SIPA1L2: variants seen among roughly 807,000 people sequenced by gnomAD.
SIPA1L2 encodes the protein signal induced proliferation associated 1 like 2.
Under a neutral mutation model 163.9 loss-of-function variants are expected in SIPA1L2, and 56 were observed. The ratio of observed to expected loss-of-function variants is 0.34; its 90% CI spans 0.28 to 0.43. SIPA1L2 has a LOEUF of 0.43. Among genes scored for constraint, SIPA1L2 ranks in the 20% least tolerant of loss-of-function variants. The pLI is 1.00. For missense variants in SIPA1L2, 1,974 were observed against 2,193.5 expected, an observed-to-expected ratio of 0.90 and a Z score of 2.00; for synonymous variants, 877 against 865.7, an observed-to-expected ratio of 1.01 and a Z score of -0.23.
intron 8 of SIPA1L2, among the ~76,000 whole-genome samples, chr1:232,467,430 T>C (rs1486490065): frequency 1.3e-5 from 2 of 152,124 alleles, no homozygotes; most frequent in Non-Finnish European, 2.9e-5. Context: ...CTCACCACCA[T>C]CCTCAGGATG....
chr1:232,558,107 A>G (rs1658818236), intron 2 of SIPA1L2, among the ~76,000 whole-genome samples: 1 of 152,204 alleles, frequency 6.6e-6, no homozygotes, highest in South Asian at 2.1e-4. Context: ...TATCTCACAC[A>G]GTGAAACCTC....
chr1:232,538,746 T>C (rs1657463572), intron 2 of SIPA1L2, among the ~76,000 whole-genome samples: 1 of 151,554 alleles, frequency 6.6e-6, no homozygotes, highest in South Asian at 2.1e-4. Flanking sequence ...AGAAAAACTT[T>C]CAATAATTTG....
chr1:232,544,509 G>A (rs1450389490), intron 2 of SIPA1L2, among the ~76,000 whole-genome samples: 13 of 151,548 alleles, frequency 8.6e-5, no homozygotes, highest in Admixed American at 4.6e-4. Context: ...GCAGTGAGCC[G>A]AGATTACGCC....
At chr1:232,563,195 C>G (rs12564218) in intron 2 of SIPA1L2, among the ~76,000 whole-genome samples, 8,442 of 152,124 alleles carry the variant, frequency 0.055, 937 homozygotes, top group East Asian at 0.5. Flanking sequence ...CAGATCATAC[C>G]AAGGAATAAT....
At chr1:232,602,137 G>A (rs546383990) in intron 1 of SIPA1L2, among the ~76,000 whole-genome samples, 2 of 152,212 alleles carry the variant, frequency 1.3e-5, no homozygotes, top group South Asian at 4.1e-4. Flanking sequence ...CAAGGAGGTG[G>A]GCATTCCAAG....
chr1:232,400,808 C>G (rs567626171), intron 22 of SIPA1L2, among the ~76,000 whole-genome samples: 1 of 152,240 alleles, frequency 6.6e-6, no homozygotes, highest in South Asian at 2.1e-4. Flanking sequence ...CCACCCTCCT[C>G]AACCCCCACT....
chr1:232,475,799 T>A (rs12746846), intron 7 of SIPA1L2, among the ~76,000 whole-genome samples: 38,223 of 152,086 alleles, frequency 0.25, 4,931 homozygotes, highest in Admixed American at 0.35. Flanking sequence ...AACAAAATAA[T>A]CTAAGAATGC....
chr1:232,617,333 T>G (rs989286017), intron 1 of SIPA1L2, among the ~76,000 whole-genome samples: 1 of 152,160 alleles, frequency 6.6e-6, no homozygotes, highest in African/African-American at 2.4e-5. Context: ...GTGGGGAAAC[T>G]GCCAAATCAG....
intron 2 of SIPA1L2, among the ~76,000 whole-genome samples, chr1:232,534,612 T>C (rs748812873): frequency 6.6e-6 from 1 of 152,166 alleles, no homozygotes; most frequent in Non-Finnish European, 1.5e-5. Context: ...AGGCAGCCCA[T>C]GGAATGGGAG....
intron 2 of SIPA1L2, among the ~76,000 whole-genome samples, chr1:232,537,408 C>T (rs789633): frequency 0.91 from 138,046 of 152,186 alleles, 63,555 homozygotes; most frequent in African/African-American, 0.98. Flanking sequence ...AGCAAAACAT[C>T]AGAGTTGCTT....
chr1:232,605,649 G>A (rs1016601957), intron 1 of SIPA1L2, among the ~76,000 whole-genome samples: 5 of 152,056 alleles, frequency 3.3e-5, no homozygotes, highest in East Asian at 1.9e-4. Context: ...AGCCAAGATC[G>A]CGCCACTGCA....
chr1:232,563,769 C>CAGTG (rs1659180334), intron 2 of SIPA1L2, among the ~76,000 whole-genome samples: 1 of 152,090 alleles, frequency 6.6e-6, no homozygotes, highest in South Asian at 2.1e-4. Flanking sequence ...GGCTGGAGTG[C>CAGTG]AGTGGCATGA....
At chr1:232,624,802 T>C (rs1288106168) in intron 1 of SIPA1L2, among the ~76,000 whole-genome samples, 2 of 152,214 alleles carry the variant, frequency 1.3e-5, no homozygotes, top group South Asian at 4.1e-4. Context: ...AAGAGAAGTA[T>C]ATCAACCAAT....
intron 2 of SIPA1L2, among the ~76,000 whole-genome samples, chr1:232,522,644 T>C (rs1667510307): frequency 6.6e-6 from 1 of 152,190 alleles, no homozygotes; most frequent in Admixed American, 6.5e-5. Context: ...AGCTCTACTA[T>C]ATGCTGCTGA....
intron 1 of SIPA1L2, among the ~76,000 whole-genome samples, chr1:232,591,216 C>T (rs886130409): frequency 4.6e-5 from 7 of 152,234 alleles, no homozygotes; most frequent in African/African-American, 1.4e-4. Flanking sequence ...ATTAGTAACT[C>T]GGCCTATTAC....
intron 2 of SIPA1L2, among the ~76,000 whole-genome samples, chr1:232,515,900 A>G (rs1368682794): frequency 6.6e-6 from 1 of 152,170 alleles, no homozygotes; most frequent in East Asian, 1.9e-4. Flanking sequence ...CACTCCATCT[A>G]TATCCAACAG....
intron 5 of SIPA1L2, among the ~76,000 whole-genome samples, chr1:232,484,837 C>A (rs182600384): frequency 6.6e-6 from 1 of 152,214 alleles, no homozygotes; most frequent in Non-Finnish European, 1.5e-5. Flanking sequence ...GAAAGGCTGA[C>A]AGATTATCAG....
chr1:232,399,108 T>C lies in SIPA1L2; in HGVS notation c.*19A>G, dbSNP rs755724322. 6.8e-6 allele frequency: 11 copies of C among 1,613,906 alleles called. No homozygotes were observed. The highest frequency in any genetic ancestry group is 1.7e-5 in the Admixed American group (1 of 59,996). ...ACAAGGGGCATTTCCCAGTGGTCCC[T>C]TGATGAGGTGCGGATTGGCTAAGAT... On this transcript the variant is annotated 3_prime_UTR_variant, in exon 23 of 23. Transcript: ENST00000674635.
At chr1:232,419,441 G>A (rs761323547) in intron 18 of SIPA1L2, among the ~76,000 whole-genome samples, 2 of 152,194 alleles carry the variant, frequency 1.3e-5, no homozygotes, top group Non-Finnish European at 2.9e-5. Context: ...ATGTTGAAAT[G>A]TAATTCCCAG....
Sources: gnomAD v4.1 joint callset for allele counts (sites outside exome capture counted in the v4.1 genomes callset) on GRCh38, gnomAD v4.1.1 for gene constraint, MANE v1.5 for transcripts, NCBI Gene and HGNC (gene_info 2026-07-23, HGNC 2026-07-21) for gene names.